The following AK4 variants were observed in gnomAD, a reference collection of about 807,000 sequenced individuals.
The protein encoded by AK4 is adenylate kinase 4, mitochondrial.
A neutral mutation model predicts 24.6 loss-of-function variants in AK4; 13 were observed. That is an observed-to-expected ratio of 0.53 (90% confidence interval 0.34 to 0.84). The LOEUF is 0.84. Among genes scored for constraint, AK4 ranks in the 40% least tolerant of loss-of-function variants. The pLI, the probability that AK4 is intolerant of heterozygous loss-of-function variation, is 0.01. For synonymous variants in AK4, 88 were observed against 107.0 expected (o/e 0.82, Z 1.10); for missense variants, 192 against 288.2 (o/e 0.67, Z 2.42).
chr1:65,198,965 C>G (rs1279325524), intron 2 of AK4, among the ~76,000 whole-genome samples: 1 of 151,554 alleles, frequency 6.6e-6, no homozygotes, highest in Non-Finnish European at 1.5e-5. Context: ...TCTATACTCA[C>G]AGCTTGTCAG....
intron 1 of AK4, among the ~76,000 whole-genome samples, chr1:65,167,192 T>C (rs1650360886): frequency 6.6e-6 from 1 of 152,210 alleles, no homozygotes; most frequent in Non-Finnish European, 1.5e-5. Context: ...TAAGTTTTCC[T>C]GTAGGTCTAA....
At position 65,159,519 on chromosome 1, in the gene AK4, T is replaced by G. The variant is rs868070338; in HGVS notation, c.145+10967T>G. Among the ~76,000 whole-genome samples the G allele has an allele frequency of 6.0e-4, 90 of 151,072 alleles. 2 individuals are homozygous for G. The highest frequency in any genetic ancestry group is 9.2e-4 in the Admixed American group (14 of 15,150). ...AAAAAATAAACAGAGTTAGCCAGAG[T>G]GGTGGCGCATGCCTGTAATCCCAGC... On this transcript the variant is annotated intron_variant, in intron 1 of 4. Coordinates refer to ENST00000327299, the MANE Select transcript of AK4 (RefSeq NM_013410.4).
chr1:65,156,690 G>A (rs1299127038), intron 1 of AK4, among the ~76,000 whole-genome samples: 2 of 152,180 alleles, frequency 1.3e-5, no homozygotes, highest in South Asian at 4.2e-4. Flanking sequence ...TTGGGAGGCT[G>A]AGGCGGGCAG....
intron 2 of AK4, among the ~76,000 whole-genome samples, chr1:65,199,909 A>G (rs1182067414): frequency 3.3e-5 from 5 of 152,182 alleles, no homozygotes; most frequent in Non-Finnish European, 5.9e-5. Context: ...AGCATTTCAG[A>G]TTTCAGATTT....
intron 2 of AK4, among the ~76,000 whole-genome samples, chr1:65,199,965 T>C (rs1365552807): frequency 6.6e-6 from 1 of 152,228 alleles, no homozygotes; most frequent in Non-Finnish European, 1.5e-5. Context: ...AGTATTTGGA[T>C]ATTCTCAAAT....
chr1:65,214,806 G>T (rs1416401314), intron 2 of AK4, among the ~76,000 whole-genome samples: 1 of 152,194 alleles, frequency 6.6e-6, no homozygotes, highest in Admixed American at 6.5e-5. Context: ...GGAGAAGAAT[G>T]TCACAAACAG....
At chr1:65,160,485 C>T (rs1300115815) in intron 1 of AK4, among the ~76,000 whole-genome samples, 2 of 152,128 alleles carry the variant, frequency 1.3e-5, no homozygotes, top group Admixed American at 6.6e-5. Flanking sequence ...CTTTATTGGC[C>T]AGGCTGGTTT....
chr1:65,223,206 T>A (rs1322911916), intron 3 of AK4, among the ~76,000 whole-genome samples: 2 of 152,026 alleles, frequency 1.3e-5, no homozygotes, highest in African/African-American at 2.4e-5. Flanking sequence ...TTTATTTAAA[T>A]TTTTTTGAGA....
chr1:65,193,536 G>A (rs1269223286), intron 2 of AK4, among the ~76,000 whole-genome samples: 1 of 152,178 alleles, frequency 6.6e-6, no homozygotes, highest in Non-Finnish European at 1.5e-5. Flanking sequence ...ACATGGCCAT[G>A]CCGAGAATTT....
chr1:65,193,539 G>A (rs920405788), intron 2 of AK4, among the ~76,000 whole-genome samples: 7 of 152,118 alleles, frequency 4.6e-5, no homozygotes, highest in Non-Finnish European at 7.3e-5. Context: ...TGGCCATGCC[G>A]AGAATTTTCC....
intron 1 of AK4, among the ~76,000 whole-genome samples, chr1:65,152,217 ATC>A (rs1233951400): frequency 6.6e-6 from 1 of 150,952 alleles, no homozygotes; most frequent in Non-Finnish European, 1.5e-5. Flanking sequence ...TGGATCTACT[ATC>A]TCAAGTGCAG....
At chr1:65,173,470 C>T (rs1409803311) in intron 1 of AK4, among the ~76,000 whole-genome samples, 1 of 152,124 alleles carries the variant, frequency 6.6e-6, no homozygotes, top group Non-Finnish European at 1.5e-5. Context: ...TCACCTCTTC[C>T]TCAGATTGCA....
At chr1:65,181,633 CTGTCT>C (rs2101026541) in intron 1 of AK4, among the ~76,000 whole-genome samples, 1 of 152,280 alleles carries the variant, frequency 6.6e-6, no homozygotes, top group African/African-American at 2.4e-5. Context: ...AGTGATCTGC[CTGTCT>C]TGGCCTCCCA....
intron 1 of AK4, among the ~76,000 whole-genome samples, chr1:65,156,734 G>A (rs1042585930): frequency 1.3e-5 from 2 of 151,742 alleles, no homozygotes; most frequent in Admixed American, 6.6e-5. Context: ...CCAGCCTGAC[G>A]AACATGGTGA....
chr1:65,200,100 A>AG (rs1651616220), intron 2 of AK4, among the ~76,000 whole-genome samples: 1 of 85,100 alleles, frequency 1.2e-5, no homozygotes, highest in Non-Finnish European at 2.2e-5. Context: ...ACTAGGTAAC[A>AG]GGTTTTTGTT....
At position 65,171,303 on chromosome 1, in the gene AK4, C is replaced by CT. The variant is rs56094715; in HGVS notation, c.146-19386dup. The stretch of plus-strand genomic sequence containing the variant: ...TTATTCTGTGTTTCAGAAATAGTTG[C>CT]TTTTTTTTTTTTTTTTTTTTTGAGA... On this transcript the variant is annotated intron_variant, in intron 1 of 4. Transcript: ENST00000327299. 6.0e-4 allele frequency among the ~76,000 whole-genome samples: 35 copies of CT among 58,282 alleles called. 1 individual carries two copies. The highest frequency in any genetic ancestry group is 7.8e-4 in the Non-Finnish European group (28 of 36,046). 38.2% of individuals were successfully genotyped at this position (58,282 alleles called of 152,430 possible). A position where few individuals can be genotyped will look rare whatever the true frequency, so the allele number is the denominator to read the frequency against.
chr1:65,172,103 A>ATATTTT, intron 1 of AK4, among the ~76,000 whole-genome samples: 1 of 115,510 alleles, frequency 8.7e-6, no homozygotes, highest in East Asian at 3.0e-4. Context: ...ATATATATAT[A>ATATTTT]TTTAAACTCA....
chr1:65,163,306 A>G (rs1224779250), intron 1 of AK4, among the ~76,000 whole-genome samples: 1 of 152,258 alleles, frequency 6.6e-6, no homozygotes, highest in Non-Finnish European at 1.5e-5. Context: ...TAATTGAGCA[A>G]TGAATGATTC....
At chr1:65,151,162 G>A (rs1388765540) in intron 1 of AK4, among the ~76,000 whole-genome samples, 9 of 152,024 alleles carry the variant, frequency 5.9e-5, no homozygotes, top group Non-Finnish European at 8.8e-5. Flanking sequence ...CCATCTCTAC[G>A]AAGGTTCGAG....
Sources: gnomAD v4.1 joint callset for allele counts (sites outside exome capture counted in the v4.1 genomes callset) on GRCh38, gnomAD v4.1.1 for gene constraint, MANE v1.5 for transcripts, NCBI Gene and HGNC (gene_info 2026-07-23, HGNC 2026-07-21) for gene names.